The following ATG5 variants were observed in gnomAD, a reference collection of about 807,000 sequenced individuals.
The protein encoded by ATG5 is autophagy related 5, also known as autophagy protein 5.
Under a neutral mutation model 36.5 loss-of-function variants are expected in ATG5, and 14 were observed. That is an observed-to-expected ratio of 0.38 (90% confidence interval 0.25 to 0.60). The LOEUF (loss-of-function observed/expected upper bound fraction) is 0.60, where lower values mean the gene tolerates loss of function less well. Among genes scored for constraint, ATG5 ranks in the 20% least tolerant of loss-of-function variants. ATG5 has a pLI of 0.60. For synonymous variants in ATG5, 95 were observed against 101.5 expected (o/e 0.94, Z 0.38); for missense variants, 195 against 326.7 (o/e 0.60, Z 3.11).
At chr6:106,249,738 G>A (rs1471318791) in intron 5 of ATG5, among the ~76,000 whole-genome samples, 1 of 152,166 alleles carries the variant, frequency 6.6e-6, no homozygotes, top group Non-Finnish European at 1.5e-5. Flanking sequence ...AATGTATTTG[G>A]ATTCCAATTA....
At chr6:106,193,838 T>G (rs761697434) in intron 7 of ATG5, among the ~76,000 whole-genome samples, 1 of 152,208 alleles carries the variant, frequency 6.6e-6, no homozygotes, top group Non-Finnish European at 1.5e-5. Context: ...AGCCCCATAG[T>G]ACCTGTTTCA....
intron 4 of ATG5, among the ~76,000 whole-genome samples, chr6:106,291,624 G>A (rs995218733): frequency 3.3e-5 from 5 of 152,098 alleles, no homozygotes; most frequent in Non-Finnish European, 7.4e-5. Context: ...GTATTTTAGA[G>A]CTTATTTTTC....
At position 106,292,884 on chromosome 6, in the gene ATG5, T is replaced by C. The variant is rs138203657; in HGVS notation, c.315+144A>G. 713 of 619,306 alleles carry C rather than the reference T, an allele frequency of 1.2e-3. 7 individuals carry two copies. The East Asian group carries it at 0.016, about 14-fold the overall frequency. The allele number at this position is 619,306 out of a possible 1,614,324, so 38.4% of individuals were successfully genotyped here. On this transcript the variant is annotated intron_variant, in intron 4 of 7. Transcript: ENST00000369076. ...TAGGAAAAAATTGAAAAGTATCTTA[T>C]AGACAAATACTAATCGAAGCTTAGC... is the stretch of plus-strand genomic sequence containing the variant.
intron 6 of ATG5, among the ~76,000 whole-genome samples, chr6:106,225,788 A>C (rs1464286095): frequency 6.6e-6 from 1 of 152,202 alleles, no homozygotes; most frequent in Non-Finnish European, 1.5e-5. Flanking sequence ...AGTGCAAACA[A>C]TTTTATCACC....
intron 6 of ATG5, among the ~76,000 whole-genome samples, chr6:106,212,556 T>C (rs1776894542): frequency 6.6e-6 from 1 of 152,204 alleles, no homozygotes. Flanking sequence ...GGAGAATCAC[T>C]TGATCCTGTG....
At chr6:106,235,304 C>T (rs185219894) in intron 6 of ATG5, among the ~76,000 whole-genome samples, 376 of 152,270 alleles carry the variant, frequency 2.5e-3, no homozygotes, top group African/African-American at 8.5e-3. Context: ...TAAGATCTAC[C>T]GTGGACCCCT....
intron 4 of ATG5, among the ~76,000 whole-genome samples, chr6:106,281,215 A>G (rs1481577273): frequency 6.6e-6 from 1 of 152,230 alleles, no homozygotes; most frequent in East Asian, 1.9e-4. Flanking sequence ...AGTCAAACTT[A>G]TGATTCACAT....
At chr6:106,239,273 T>C (rs1046998585) in intron 6 of ATG5, among the ~76,000 whole-genome samples, 1 of 151,894 alleles carries the variant, frequency 6.6e-6, no homozygotes, top group African/African-American at 2.4e-5. Flanking sequence ...ACAAAACACC[T>C]GGAAATAAAA....
At chr6:106,301,014 T>C (rs779913177) in intron 3 of ATG5, among the ~76,000 whole-genome samples, 65 of 152,072 alleles carry the variant, frequency 4.3e-4, no homozygotes, top group Non-Finnish European at 8.1e-4. Context: ...ACTTACAAAG[T>C]ATTCTTCGGA....
At chr6:106,228,623 A>C (rs1325809056) in intron 6 of ATG5, among the ~76,000 whole-genome samples, 1 of 152,118 alleles carries the variant, frequency 6.6e-6, no homozygotes, top group Non-Finnish European at 1.5e-5. Flanking sequence ...TCTGGGAGCA[A>C]GGACCCCCTG....
chr6:106,207,379 T>C (rs971669938), intron 6 of ATG5, among the ~76,000 whole-genome samples: 1 of 152,126 alleles, frequency 6.6e-6, no homozygotes. Context: ...AGTTCAAGTG[T>C]AAAACTTAGA....
chr6:106,245,816 T>A (rs933213208), intron 6 of ATG5, among the ~76,000 whole-genome samples: 4 of 152,130 alleles, frequency 2.6e-5, no homozygotes, highest in Non-Finnish European at 1.5e-5. Flanking sequence ...AAGGTGTTAA[T>A]CAAAATGCTG....
At chr6:106,320,566 G>A (rs1771024394) in intron 1 of ATG5, among the ~76,000 whole-genome samples, 1 of 150,984 alleles carries the variant, frequency 6.6e-6, no homozygotes, top group African/African-American at 2.4e-5. Flanking sequence ...ACTTCACTAA[G>A]CTTCAATTTC....
intron 7 of ATG5, among the ~76,000 whole-genome samples, chr6:106,194,296 A>C (rs1776086545): frequency 6.6e-6 from 1 of 152,182 alleles, no homozygotes; most frequent in African/African-American, 2.4e-5. Flanking sequence ...CATCACACTG[A>C]CAAATGTGAT....
chr6:106,251,646 AGG>A (rs1562237522), intron 5 of ATG5, among the ~76,000 whole-genome samples: 1 of 45,064 alleles, frequency 2.2e-5, no homozygotes, highest in African/African-American at 9.5e-5. Flanking sequence ...AGAGAGAGAG[AGG>A]GAGGGAGGGA....
intron 4 of ATG5, among the ~76,000 whole-genome samples, chr6:106,286,647 A>C (rs1387768739): frequency 6.6e-6 from 1 of 152,150 alleles, no homozygotes; most frequent in Non-Finnish European, 1.5e-5. Flanking sequence ...ATGTTACCCC[A>C]GTGATTAAGT....
Position 106,185,834 on chromosome 6 carries a change from C to G in ATG5, c.*706G>C, listed in dbSNP as rs957065573. ...TATATCCACCCCATGCCAATGACGA[C>G]CAGTCAAAATGGTAACACAGAGTAA... On this transcript the variant is annotated 3_prime_UTR_variant, in exon 8 of 8. Transcript: ENST00000369076. The G allele has an allele frequency of 5.2e-5, 8 of 152,498 alleles. No homozygotes were observed. Among genetic ancestry groups the G allele is most frequent in the African/African-American group, 1.9e-4 (8 of 41,440 alleles). 9.4% of individuals were successfully genotyped at this position (152,498 alleles called of 1,614,324 possible). A position where few individuals can be genotyped will look rare whatever the true frequency, so the allele number is the denominator to read the frequency against.
At chr6:106,193,293 TATC>T (rs1242118139) in intron 7 of ATG5, among the ~76,000 whole-genome samples, 1 of 152,206 alleles carries the variant, frequency 6.6e-6, no homozygotes, top group Non-Finnish European at 1.5e-5. Context: ...GAACATGCAA[TATC>T]ATAGTATATA....
chr6:106,196,539 C>T (rs1776197542), intron 7 of ATG5, among the ~76,000 whole-genome samples: 1 of 152,110 alleles, frequency 6.6e-6, no homozygotes, highest in East Asian at 1.9e-4. Context: ...GCCTGGCCAA[C>T]ATGGTGAAAC....
Sources: gnomAD v4.1 joint callset for allele counts (sites outside exome capture counted in the v4.1 genomes callset) on GRCh38, gnomAD v4.1.1 for gene constraint, MANE v1.5 for transcripts, NCBI Gene and HGNC (gene_info 2026-07-23, HGNC 2026-07-21) for gene names.